The following PTPRD variants were observed in gnomAD, a reference collection of about 807,000 sequenced individuals.
PTPRD encodes the protein protein tyrosine phosphatase receptor type D, also known as receptor-type tyrosine-protein phosphatase delta.
A neutral mutation model predicts 214.5 loss-of-function variants in PTPRD; 34 were observed. The observed-to-expected ratio is 0.16, with a 90% CI of 0.12 to 0.21. The LOEUF (loss-of-function observed/expected upper bound fraction) is 0.21. Among genes scored for constraint, PTPRD ranks in the 10% least tolerant of loss-of-function variants. PTPRD has a pLI of 1.00. For synonymous variants in PTPRD, 1,128 were observed against 845.7 expected (o/e 1.33, Z -5.79); for missense variants, 2,545 against 2,398.7 (o/e 1.06, Z -1.27).
intron 10 of PTPRD, among the ~76,000 whole-genome samples, chr9:9,025,181 T>C (rs1490090739): frequency 8.6e-5 from 13 of 152,042 alleles, no homozygotes; most frequent in African/African-American, 3.1e-4. Flanking sequence ...ACTTTATTTT[T>C]CCTTTATTAC....
At chr9:9,016,816 G>A (rs2099537395) in intron 11 of PTPRD, among the ~76,000 whole-genome samples, 1 of 152,114 alleles carries the variant, frequency 6.6e-6, no homozygotes, top group Non-Finnish European at 1.5e-5. Context: ...AGTACTTTCA[G>A]AATGACAACT....
At chr9:8,746,631 A>C (rs2092841564) in intron 11 of PTPRD, among the ~76,000 whole-genome samples, 1 of 152,190 alleles carries the variant, frequency 6.6e-6, no homozygotes, top group African/African-American at 2.4e-5. Context: ...CTAGAAACCA[A>C]TTGTTATCTT....
intron 11 of PTPRD, among the ~76,000 whole-genome samples, chr9:8,848,315 T>TA (rs1053852128): frequency 6.8e-5 from 1 of 14,702 alleles, no homozygotes; most frequent in African/African-American, 3.3e-4. Flanking sequence ...GATTTTTCCT[T>TA]TTTTTTTTTT....
chr9:9,598,415 T>C (rs1398514299), intron 7 of PTPRD, among the ~76,000 whole-genome samples: 1 of 152,012 alleles, frequency 6.6e-6, no homozygotes, highest in African/African-American at 2.4e-5. Flanking sequence ...AGCTCATTAT[T>C]CTTGGAAACC....
chr9:8,741,424 C>T (rs1455556209), intron 11 of PTPRD, among the ~76,000 whole-genome samples: 1 of 152,078 alleles, frequency 6.6e-6, no homozygotes, highest in East Asian at 1.9e-4. Flanking sequence ...GCCGTTGGAA[C>T]TCTAATATTT....
chr9:9,307,376 T>C (rs1177329376), intron 9 of PTPRD, among the ~76,000 whole-genome samples: 2 of 152,154 alleles, frequency 1.3e-5, no homozygotes, highest in African/African-American at 4.8e-5. Context: ...TGTTTTAAAA[T>C]TCCACAGCCT....
chr9:10,506,666 C>G (rs770724121), intron 2 of PTPRD, among the ~76,000 whole-genome samples: 5 of 152,068 alleles, frequency 3.3e-5, no homozygotes, highest in Non-Finnish European at 7.4e-5. Context: ...CTAATCCAGA[C>G]TACTACAATC....
At chr9:10,177,986 C>A (rs2099259434) in intron 3 of PTPRD, among the ~76,000 whole-genome samples, 1 of 151,882 alleles carries the variant, frequency 6.6e-6, no homozygotes, top group South Asian at 2.1e-4. Context: ...AAGAGCTAAA[C>A]TAGAGGAGCA....
intron 4 of PTPRD, among the ~76,000 whole-genome samples, chr9:9,940,435 G>A (rs909050610): frequency 1.3e-5 from 2 of 152,180 alleles, no homozygotes; most frequent in Middle Eastern, 3.4e-3. Context: ...GAGTCTAAAG[G>A]AAAAACGGAA....
intron 11 of PTPRD, among the ~76,000 whole-genome samples, chr9:8,756,718 C>T (rs1341312877): frequency 6.6e-6 from 1 of 151,946 alleles, no homozygotes; most frequent in Non-Finnish European, 1.5e-5. Context: ...AAATAATAAC[C>T]TATTTTCAGA....
At chr9:9,016,214 A>G (rs1043598398) in intron 11 of PTPRD, among the ~76,000 whole-genome samples, 1 of 152,078 alleles carries the variant, frequency 6.6e-6, no homozygotes, top group African/African-American at 2.4e-5. Context: ...TTTATATTAG[A>G]TGTTTTCTCC....
intron 9 of PTPRD, among the ~76,000 whole-genome samples, chr9:9,357,279 T>C (rs2054168432): frequency 6.6e-6 from 1 of 151,352 alleles, no homozygotes; most frequent in African/African-American, 2.4e-5. Flanking sequence ...ACTTTGGGGA[T>C]GTCAAATATT....
chr9:9,037,959 T>C (rs1222665297), intron 10 of PTPRD, among the ~76,000 whole-genome samples: 2 of 152,162 alleles, frequency 1.3e-5, no homozygotes, highest in African/African-American at 4.8e-5. Context: ...ATTAACTTTT[T>C]TGAAATTTAG....
At chr9:9,351,348 C>G (rs1328532890) in intron 9 of PTPRD, among the ~76,000 whole-genome samples, 1 of 152,000 alleles carries the variant, frequency 6.6e-6, no homozygotes, top group East Asian at 1.9e-4. Flanking sequence ...TGGGAATGCA[C>G]TATAGAATCT....
At chr9:10,054,784 G>C (rs925363578) in intron 3 of PTPRD, among the ~76,000 whole-genome samples, 2 of 152,062 alleles carry the variant, frequency 1.3e-5, no homozygotes, top group Admixed American at 1.3e-4. Flanking sequence ...GTTGAATACA[G>C]TCTTTTTCCT....
At chr9:10,605,016 A>AT (rs543097201) in intron 2 of PTPRD, among the ~76,000 whole-genome samples, 19 of 151,808 alleles carry the variant, frequency 1.3e-4, no homozygotes, top group Admixed American at 1.3e-4. Flanking sequence ...TGTTTCCATG[A>AT]TTTTTTTTAA....
chr9:9,679,815 T>C (rs1331662833), intron 7 of PTPRD, among the ~76,000 whole-genome samples: 1 of 151,994 alleles, frequency 6.6e-6, no homozygotes, highest in African/African-American at 2.4e-5. Flanking sequence ...TAAAAACAAA[T>C]TGAAGGTGTA....
rs911967057 is a variant in PTPRD, at chr9:9,244,163, C to G, written c.-202-60800G>C. Among the ~76,000 whole-genome samples the G allele has an allele frequency of 2.0e-5, 3 of 152,134 alleles. No homozygotes were observed. The East Asian group carries it at 5.8e-4, about 29-fold the overall frequency. ...GATACAAACAAATGGAAGAACATTCCATGCTCATGGATAGGAAGAATCAAT... is the reference window on the plus strand; with the variant it reads ...GATACAAACAAATGGAAGAACATTCGATGCTCATGGATAGGAAGAATCAAT... On this transcript the variant is annotated intron_variant, in intron 9 of 45. Transcript: ENST00000381196.
At chr9:9,374,222 G>C (rs141107493) in intron 9 of PTPRD, among the ~76,000 whole-genome samples, 1 of 151,936 alleles carries the variant, frequency 6.6e-6, no homozygotes, top group Non-Finnish European at 1.5e-5. Context: ...ATTCTAGATA[G>C]CTGCCAAGGG....
Sources: allele counts gnomAD v4.1 joint callset (sites outside exome capture counted in the v4.1 genomes callset), GRCh38; gene constraint gnomAD v4.1.1; transcripts MANE v1.5; gene names NCBI Gene and HGNC (gene_info 2026-07-23, HGNC 2026-07-21).